SERINC3: variants seen among roughly 807,000 people sequenced by gnomAD.
The protein encoded by SERINC3 is serine incorporator 3.
Under a neutral mutation model 52.1 loss-of-function variants are expected in SERINC3, and 22 were observed. The ratio of observed to expected loss-of-function variants is 0.42; its 90% CI spans 0.30 to 0.60. The LOEUF (loss-of-function observed/expected upper bound fraction) is 0.60. SERINC3 is among the 20% of genes least tolerant of loss of function. SERINC3 has a pLI of 0.16. For synonymous variants in SERINC3, 226 were observed against 212.7 expected, an observed-to-expected ratio of 1.06 and a Z score of -0.54; for missense variants, 564 against 584.6, an observed-to-expected ratio of 0.96 and a Z score of 0.36.
chr20:44,513,940 A>C lies in SERINC3; in HGVS notation c.140T>G (p.Leu47Arg). ...GATATAGGATACGACAGTGCTCAGG[A>C]GGAGAATGAAAGCATAAATGAGGCG... Reference protein sequence around the residue: ...VTRLIYAFILLLSTVVSYIMQ... With the variant: ...VTRLIYAFILRLSTVVSYIMQ... Residue 47 changes from leucine to arginine, a missense_variant, in exon 2 of 10, where the codon CTC becomes CGC. Physicochemically the swap from Leu to Arg is moderately radical, Grantham distance 102. Transcript: ENST00000342374. 1 of 1,614,184 alleles carries C rather than the reference A, an allele frequency of 6.2e-7. No homozygotes were observed. The highest frequency in any genetic ancestry group is 8.5e-7 in the Non-Finnish European group (1 of 1,180,028).
intron 5 of SERINC3, among the ~76,000 whole-genome samples, chr20:44,507,536 T>C (rs1912592040): frequency 6.6e-6 from 1 of 152,220 alleles, no homozygotes; most frequent in Non-Finnish European, 1.5e-5. Flanking sequence ...TTTTTTAATA[T>C]CTAAAGTAAT....
At chr20:44,513,031 A>G (rs2123060220) in intron 2 of SERINC3, 37 bp from the exon 3 acceptor site, 1 of 1,396,328 alleles carries the variant, frequency 7.2e-7, no homozygotes, top group East Asian at 2.7e-5. Context: ...GAGAATATCT[A>G]CATTTAGACA....
chr20:44,511,174 A>C, intron 4 of SERINC3, 115 bp downstream of exon 4: 1 of 707,452 alleles, frequency 1.4e-6, no homozygotes, highest in Non-Finnish European at 2.4e-6. Context: ...TTGGCCTCCC[A>C]AAGTGCTGAG....
At position 44,501,139 on chromosome 20, in the gene SERINC3, G is replaced by A; in HGVS notation, c.1217C>T (p.Ser406Phe). 6.2e-7 allele frequency: 1 copy of A among 1,614,052 alleles called. No homozygotes were observed. The change falls in exon 9 of 10, where the codon TCC becomes TTC. Residue 406 changes from serine to phenylalanine, a missense_variant. Coordinates refer to ENST00000342374, the MANE Select transcript of SERINC3 (RefSeq NM_006811.4). Reference protein sequence around the residue: ...NEKEGVQYSYSLFHLMLCLAS... With the variant: ...NEKEGVQYSYFLFHLMLCLAS... ...CAAGCAGAGCATGAGGTGGAATAAG[G>A]AGTAGCTATACTGCACTCCCTCTTT...
At chr20:44,507,119 GTAAAAT>G (rs1413206823) in intron 5 of SERINC3, 123 bp from the exon 6 acceptor site, 3 of 669,088 alleles carry the variant, frequency 4.5e-6, no homozygotes, top group Admixed American at 8.0e-5. Flanking sequence ...GTAATTTACA[GTAAAAT>G]TACAGAGGTC....
Position 44,512,382 on chromosome 20 carries a change from G to A in SERINC3, c.395+419C>T, listed in dbSNP as rs549668281. ...AAACATAGGTAAAAGGTGGTCAGGA[G>A]TCAGAAGCAATAGAATATGTAAATC... is the stretch of plus-strand genomic sequence containing the variant. On this transcript the variant is annotated intron_variant, in intron 3 of 9. Coordinates refer to ENST00000342374, the MANE Select transcript of SERINC3 (RefSeq NM_006811.4). Among the ~76,000 whole-genome samples the A allele has an allele frequency of 2.0e-5, 3 of 150,588 alleles. No individual in the cohort carries two copies. The East Asian group carries it at 5.8e-4, about 29-fold the overall frequency.
At position 44,501,404 on chromosome 20, in the gene SERINC3, T is replaced by C. The variant is rs537409086; in HGVS notation, c.1056-104A>G. 7.7e-6 allele frequency: 7 copies of C among 904,788 alleles called. No individual in the cohort carries two copies. In the South Asian group the frequency reaches 1.1e-4, roughly 14 times the overall value. 56.0% of individuals were successfully genotyped at this position (904,788 alleles called of 1,614,324 possible). ...ACTTACTGCTGAGCTGTTCCTACTT[T>C]GGAGACTGAAAGCTTTCTGAAGATC... On this transcript the variant is annotated intron_variant, in intron 8 of 9. Transcript: ENST00000342374.
At chr20:44,510,133 G>A in intron 4 of SERINC3, 105 bp from the exon 5 acceptor site, 1 of 1,098,190 alleles carries the variant, frequency 9.1e-7, no homozygotes, top group South Asian at 1.4e-5. Context: ...AGGTGGTAAA[G>A]ACATTCTGTC....
rs756046107 is a variant in SERINC3 at position 44,504,828 on chromosome 20, T to A, written c.847A>T (p.Thr283Ser). Residue 283 changes from threonine (T) to serine (S), a missense_variant, in exon 7 of 10, where the codon ACC becomes TCC. Transcript: ENST00000342374. ...SLITLYTMYL[T>S]WSAMSNEPDR... Reference sequence around the variant, plus strand: ...GGTTCATTGGACATGGCTGACCAGGTGAGGTACATAGTGTAGAGGGTGATG... The same window carrying A: ...GGTTCATTGGACATGGCTGACCAGGAGAGGTACATAGTGTAGAGGGTGATG... 8 of 1,611,848 alleles carry A rather than the reference T, an allele frequency of 5.0e-6. No individual in the cohort carries two copies. The highest frequency in any genetic ancestry group is 2.2e-5 in the South Asian group (2 of 90,884).
chr20:44,503,796 T>A lies in SERINC3; in HGVS notation c.1055+19A>T. On this transcript the variant is annotated intron_variant, in intron 8 of 9. Coordinates refer to ENST00000342374, the MANE Select transcript of SERINC3 (RefSeq NM_006811.4). ...ATCAACCTCCATGAAAATCTTGTTC[T>A]AAGTACCTTTTAACTTACCTAGAAT... The A allele has an allele frequency of 6.6e-7, 1 of 1,507,894 alleles. No individual in the cohort carries two copies. Among genetic ancestry groups the A allele is most frequent in the South Asian group, 1.3e-5 (1 of 74,304 alleles). The allele number at this position is 1,507,894 out of a possible 1,614,324, so 93.4% of individuals were successfully genotyped here.
intron 8 of SERINC3, among the ~76,000 whole-genome samples, chr20:44,501,901 T>C (rs2064282269): frequency 1.3e-5 from 2 of 152,194 alleles, no homozygotes; most frequent in South Asian, 4.1e-4. Flanking sequence ...AAAAATTACA[T>C]GCTCGTTTCA....
Position 44,519,916 on chromosome 20 carries a change from G to T in SERINC3, c.39+1997C>A, listed in dbSNP as rs188983824. Among the ~76,000 whole-genome samples, 12 of 152,282 alleles carry T rather than the reference G, an allele frequency of 7.9e-5. No homozygotes were observed. In the East Asian group the frequency reaches 1.7e-3, roughly 22 times the overall value. ...TTCTAAAATCCTTGGAATAACCAGCGTCTTTTTGTATGCTAATGAGATGAC... is the reference window on the plus strand; with the variant it reads ...TTCTAAAATCCTTGGAATAACCAGCTTCTTTTTGTATGCTAATGAGATGAC... On this transcript the variant is annotated intron_variant, in intron 1 of 9. Transcript: ENST00000342374.
intron 8 of SERINC3, among the ~76,000 whole-genome samples, chr20:44,502,026 T>G (rs560025367): frequency 5.9e-5 from 9 of 152,290 alleles, no homozygotes; most frequent in African/African-American, 2.2e-4. Context: ...AACATCATAC[T>G]TAACAGTGAA....
At chr20:44,507,697 T>C (rs1308479147) in intron 5 of SERINC3, among the ~76,000 whole-genome samples, 1 of 152,114 alleles carries the variant, frequency 6.6e-6, no homozygotes, top group Non-Finnish European at 1.5e-5. Context: ...GGCCAAACCC[T>C]GTCTCTACAA....
chr20:44,506,364 C>T (rs776749405), intron 6 of SERINC3, among the ~76,000 whole-genome samples: 27 of 150,438 alleles, frequency 1.8e-4, no homozygotes, highest in Middle Eastern at 3.2e-3. Context: ...GAGGCCGAGG[C>T]GGGTGGATCA....
intron 7 of SERINC3, among the ~76,000 whole-genome samples, chr20:44,504,368 G>T (rs986743422): frequency 6.6e-6 from 1 of 152,186 alleles, no homozygotes; most frequent in Non-Finnish European, 1.5e-5. Context: ...TGGAAGGGGG[G>T]TCTGCATTGT....
chr20:44,501,685 C>A (rs904762426), intron 8 of SERINC3, among the ~76,000 whole-genome samples: 4 of 152,162 alleles, frequency 2.6e-5, no homozygotes, highest in African/African-American at 4.8e-5. Flanking sequence ...CCTGACATCA[C>A]CCCTCACTGG....
rs781209536 is a variant in SERINC3 at position 44,504,006 on chromosome 20, G to A, written c.875-11C>T. The A allele has an allele frequency of 6.4e-7, 1 of 1,571,678 alleles. No individual in the cohort carries two copies. Among genetic ancestry groups the A allele is most frequent in the East Asian group, 2.3e-5 (1 of 42,598 alleles). On this transcript the variant is annotated splice_polypyrimidine_tract_variant and intron_variant, in intron 7 of 9. Coordinates refer to ENST00000342374, the MANE Select transcript of SERINC3 (RefSeq NM_006811.4). ...GATTGCAGGAACGATCTGAAAATGA[G>A]AAAATTTGTATTATCCTTGGTTACA...
chr20:44,514,718 G>A (rs2064369220), intron 1 of SERINC3, among the ~76,000 whole-genome samples: 1 of 152,062 alleles, frequency 6.6e-6, no homozygotes, highest in African/African-American at 2.4e-5. Context: ...CTGAGATTGC[G>A]CCACTGCACT....
Sources: allele counts gnomAD v4.1 joint callset (sites outside exome capture counted in the v4.1 genomes callset), GRCh38; gene constraint gnomAD v4.1.1; transcripts MANE v1.5; gene names NCBI Gene and HGNC (gene_info 2026-07-23, HGNC 2026-07-21).